Variants in NF1 observed in about 807,000 individuals in gnomAD.
The protein encoded by NF1 is neurofibromin 1.
NF1 carries 122 observed loss-of-function variants against 325.7 expected under a neutral mutation model. The observed-to-expected ratio is 0.37, with a 90% CI of 0.32 to 0.44. NF1 has a LOEUF of 0.44. Ranked by LOEUF, NF1 falls within the 20% of genes least tolerant of loss-of-function variation. The pLI is 1.00. For synonymous variants in NF1, 1,091 were observed against 1,186.0 expected (o/e 0.92, Z 1.65); for missense variants, 2,140 against 3,415.4 (o/e 0.63, Z 9.31).
chr17:31,295,287 C>T, intron 36 of NF1: 1 of 1,614,002 alleles, frequency 6.2e-7, no homozygotes, highest in Non-Finnish European at 8.5e-7. Flanking sequence ...GTTGCAGCTG[C>T]TGCTTCATGT....
rs751634192 is a variant in NF1 at position 31,236,048 on chromosome 17, CTGTTTTT to C, written c.3974+36_3974+42del. ...TTTGTCATCTTTTCACATAGAACCGCTGTTTTTTGTTTTTTTTTTTTTGTTTGTTTGT... is the reference window on the plus strand; with the variant it reads ...TTTGTCATCTTTTCACATAGAACCGCTGTTTTTTTTTTTTTGTTTGTTTGT... On this transcript the variant is annotated intron_variant, in intron 29 of 57. Transcript: ENST00000358273. The C allele has an allele frequency of 2.7e-6, 4 of 1,501,580 alleles. No individual in the cohort carries two copies. The African/African-American group carries it at 6.5e-5, about 25-fold the overall frequency. 93.0% of individuals were successfully genotyped at this position (1,501,580 alleles called of 1,614,324 possible). A position where few individuals can be genotyped will look rare whatever the true frequency, so the allele number is the denominator to read the frequency against.
At chr17:31,159,280 C>A (rs532980187) in intron 3 of NF1, among the ~76,000 whole-genome samples, 187 bp downstream of exon 3, 15 of 152,218 alleles carry the variant, frequency 9.9e-5, no homozygotes, top group Admixed American at 7.9e-4. Context: ...ATTTTCTCAT[C>A]TTTTGTAAAT....
At chr17:31,252,815 A>G (rs974465378) in intron 30 of NF1, 123 bp from the exon 31 acceptor site, 61 of 757,666 alleles carry the variant, frequency 8.1e-5, no homozygotes, top group Non-Finnish European at 1.3e-4. Context: ...GTTGATTTCT[A>G]ATTTTTTGTT....
chr17:31,302,324 C>A (rs2068592364), intron 36 of NF1, among the ~76,000 whole-genome samples: 1 of 152,096 alleles, frequency 6.6e-6, no homozygotes, highest in Non-Finnish European at 1.5e-5. Flanking sequence ...CCCTGTATTT[C>A]TTTCAGGAAA....
intron 4 of NF1, among the ~76,000 whole-genome samples, chr17:31,169,239 C>G (rs1597642982): frequency 6.6e-6 from 1 of 152,080 alleles, no homozygotes; most frequent in East Asian, 1.9e-4. Context: ...TTTTCAAGCC[C>G]AAGGTGACCT....
Position 31,377,093 on chromosome 17 carries a change from A to C in NF1, c.*2938A>C, listed in dbSNP as rs551949875. 4.3e-6 allele frequency: 1 copy of C among 231,532 alleles called. No individual in the cohort carries two copies. Among genetic ancestry groups the C allele is most frequent in the East Asian group, 6.1e-5 (1 of 16,526 alleles). The allele number at this position is 231,532 out of a possible 1,614,324, so 14.3% of individuals were successfully genotyped here. ...GTTTTTGTTTCTACATCCTTCCCCGACTCCCAGGCATAATGAGGCATGTCT... is the reference window on the plus strand; with the variant it reads ...GTTTTTGTTTCTACATCCTTCCCCGCCTCCCAGGCATAATGAGGCATGTCT... On this transcript the variant is annotated 3_prime_UTR_variant, in exon 58 of 58. Coordinates refer to ENST00000358273, the MANE Select transcript of NF1 (RefSeq NM_001042492.3).
chr17:31,138,457 T>G (rs1356102428), intron 1 of NF1: 4 of 152,228 alleles, frequency 2.6e-5, no homozygotes, highest in African/African-American at 9.7e-5. Flanking sequence ...GGAGACAAAG[T>G]TTCACTATGT....
intron 12 of NF1, among the ~76,000 whole-genome samples, chr17:31,209,307 A>C (rs1271314644): frequency 2.0e-5 from 3 of 152,264 alleles, no homozygotes; most frequent in South Asian, 2.1e-4. Flanking sequence ...CTTGCTTCAG[A>C]AGTAGCAATC....
chr17:31,326,963 G>T (rs1937185233), intron 37 of NF1, among the ~76,000 whole-genome samples: 1 of 152,008 alleles, frequency 6.6e-6, no homozygotes, highest in African/African-American at 2.4e-5. Flanking sequence ...GTCTCACTCT[G>T]TTGCCTAGGC....
In NF1 at chr17:31,249,028, T is replaced by G; in HGVS notation, c.4019T>G (p.Leu1340Arg). The G allele has an allele frequency of 6.2e-7, 1 of 1,614,174 alleles. No individual in the cohort carries two copies. Among genetic ancestry groups the G allele is most frequent in the Non-Finnish European group, 8.5e-7 (1 of 1,179,996 alleles). ...ESLEENQRNL[L>R]QMTEKFFHAI... ...CTTGAGGAAAACCAGCGGAACCTCC[T>G]TCAGATGACTGAAAAGTTCTTCCAT... Residue 1340 changes from leucine (L) to arginine (R), a missense_variant, in exon 30 of 58, where the codon CTT becomes CGT. Transcript: ENST00000358273.
At chr17:31,211,239 C>A (rs1312888815) in intron 12 of NF1, among the ~76,000 whole-genome samples, 1 of 152,182 alleles carries the variant, frequency 6.6e-6, no homozygotes, top group Non-Finnish European at 1.5e-5. Flanking sequence ...TATAGAAGAT[C>A]AACTAATGAA....
At chr17:31,180,759 G>C (rs1341355269) in intron 5 of NF1, among the ~76,000 whole-genome samples, 1 of 152,176 alleles carries the variant, frequency 6.6e-6, no homozygotes, top group Non-Finnish European at 1.5e-5. Context: ...AATCAGGCAA[G>C]AGAAAGAAAT....
intron 5 of NF1, among the ~76,000 whole-genome samples, chr17:31,174,533 T>C (rs2065985028): frequency 6.6e-6 from 1 of 152,200 alleles, no homozygotes; most frequent in Non-Finnish European, 1.5e-5. Context: ...TTATTTATAA[T>C]AGTGAAATAA....
At chr17:31,256,525 A>G (rs2067585953) in intron 31 of NF1, among the ~76,000 whole-genome samples, 1 of 152,212 alleles carries the variant, frequency 6.6e-6, no homozygotes, top group African/African-American at 2.4e-5. Context: ...AATTATGTGA[A>G]GAATTTTGTG....
intron 1 of NF1, among the ~76,000 whole-genome samples, chr17:31,130,462 CG>C (rs1915275633): frequency 6.6e-6 from 1 of 150,810 alleles, no homozygotes; most frequent in Non-Finnish European, 1.5e-5. Flanking sequence ...AAGGCCAGGG[CG>C]GGGGGCTGCT....
chr17:31,252,633 C>T, intron 30 of NF1: 1 of 332,940 alleles, frequency 3.0e-6, no homozygotes, highest in Non-Finnish European at 5.6e-6. Context: ...AGGAATTAAC[C>T]AAAATGTAAA....
chr17:31,231,445 A>G (rs1196850749), intron 24 of NF1, among the ~76,000 whole-genome samples: 2 of 152,142 alleles, frequency 1.3e-5, no homozygotes, highest in Admixed American at 6.5e-5. Flanking sequence ...TTTATAATAC[A>G]GTCTTCTCTG....
At chr17:31,346,890 C>T (rs2070005343) in intron 48 of NF1, among the ~76,000 whole-genome samples, 2 of 147,966 alleles carry the variant, frequency 1.4e-5, no homozygotes, top group African/African-American at 2.5e-5. Context: ...TGCTCTTATC[C>T]CTCTCAGATT....
At chr17:31,102,736 C>CA (rs112263662) in intron 1 of NF1, among the ~76,000 whole-genome samples, 201 of 126,960 alleles carry the variant, frequency 1.6e-3, no homozygotes, top group South Asian at 4.3e-3. Context: ...CCCTGTCTTC[C>CA]AAAAAAAAAA....
Sources: gnomAD v4.1 joint callset for allele counts (sites outside exome capture counted in the v4.1 genomes callset) on GRCh38, gnomAD v4.1.1 for gene constraint, MANE v1.5 for transcripts, NCBI Gene and HGNC (gene_info 2026-07-23, HGNC 2026-07-21) for gene names.